Variants in EPHA6 observed in about 807,000 individuals in gnomAD.
EPHA6 encodes ephrin type-A receptor 6.
Under a neutral mutation model 112.0 loss-of-function variants are expected in EPHA6, and 50 were observed. That is an observed-to-expected ratio of 0.45 (90% CI 0.36 to 0.56). The LOEUF (loss-of-function observed/expected upper bound fraction) is 0.56. Ranked by LOEUF, EPHA6 falls within the 20% of genes least tolerant of loss-of-function variation. The pLI is 0.00. For missense variants in EPHA6, 1,280 were observed against 1,417.4 expected (o/e 0.90, Z 1.56); for synonymous variants, 529 against 490.7 (o/e 1.08, Z -1.03).
chr3:97,325,437 G>A (rs1317166580), intron 5 of EPHA6, among the ~76,000 whole-genome samples: 3 of 152,080 alleles, frequency 2.0e-5, no homozygotes, highest in African/African-American at 4.8e-5. Flanking sequence ...TATAAGGACA[G>A]CAGTGACATT....
At chr3:97,558,763 T>C (rs2093148796) in intron 11 of EPHA6, among the ~76,000 whole-genome samples, 1 of 151,920 alleles carries the variant, frequency 6.6e-6, no homozygotes, top group South Asian at 2.1e-4. Context: ...TTGATATATG[T>C]TAAATAAAAA....
At chr3:97,391,587 G>C (rs928606004) in intron 5 of EPHA6, among the ~76,000 whole-genome samples, 6 of 151,804 alleles carry the variant, frequency 4.0e-5, no homozygotes, top group Non-Finnish European at 7.4e-5. Flanking sequence ...GAAAAGTGCG[G>C]TACAATATAT....
chr3:97,592,805 C>G, intron 12 of EPHA6, 68 bp downstream of exon 12: 1 of 1,431,016 alleles, frequency 7.0e-7, no homozygotes, highest in South Asian at 1.6e-5. Context: ...AGTTGATAGG[C>G]CCCAAATACA....
At chr3:96,830,218 T>C (rs1297365617) in intron 1 of EPHA6, among the ~76,000 whole-genome samples, 1 of 152,112 alleles carries the variant, frequency 6.6e-6, no homozygotes, top group African/African-American at 2.4e-5. Flanking sequence ...CTAATTTAGG[T>C]TCAAAACAAA....
At chr3:97,515,183 A>C (rs1046024492) in intron 10 of EPHA6, among the ~76,000 whole-genome samples, 1 of 152,230 alleles carries the variant, frequency 6.6e-6, no homozygotes, top group Non-Finnish European at 1.5e-5. Context: ...ACTACTATCC[A>C]ATTCTCCAAA....
At chr3:97,092,602 G>A (rs1046740705) in intron 3 of EPHA6, among the ~76,000 whole-genome samples, 15 of 151,980 alleles carry the variant, frequency 9.9e-5, no homozygotes, top group Admixed American at 8.5e-4. Context: ...ATAATTTGAT[G>A]AGTTACTAGC....
intron 3 of EPHA6, among the ~76,000 whole-genome samples, chr3:97,139,260 C>T (rs999494674): frequency 6.6e-6 from 1 of 152,174 alleles, no homozygotes; most frequent in Non-Finnish European, 1.5e-5. Flanking sequence ...TTCACTGCCA[C>T]CAACACAGCT....
intron 5 of EPHA6, among the ~76,000 whole-genome samples, chr3:97,370,813 T>C (rs781186737): frequency 6.6e-5 from 10 of 152,264 alleles, no homozygotes; most frequent in South Asian, 2.1e-4. Context: ...CTGCAATTAT[T>C]ATAATCACCA....
chr3:96,894,063 A>G (rs1242127190), intron 2 of EPHA6, among the ~76,000 whole-genome samples: 1 of 152,184 alleles, frequency 6.6e-6, no homozygotes, highest in African/African-American at 2.4e-5. Context: ...GGTCAAGTCA[A>G]TGCTAAGTTT....
intron 12 of EPHA6, among the ~76,000 whole-genome samples, chr3:97,597,312 T>A (rs936563991): frequency 2.3e-4 from 35 of 152,158 alleles, no homozygotes; most frequent in African/African-American, 8.0e-4. Flanking sequence ...TGACTTGTGT[T>A]AGGTTCAAAG....
At chr3:97,484,165 T>G in intron 10 of EPHA6, 106 bp downstream of exon 10, 1 of 1,061,304 alleles carries the variant, frequency 9.4e-7, no homozygotes. Flanking sequence ...ATTGAAAAGT[T>G]TTAACAAGTG....
chr3:97,256,387 C>T (rs371291369), intron 5 of EPHA6, among the ~76,000 whole-genome samples: 8 of 151,840 alleles, frequency 5.3e-5, no homozygotes, highest in Non-Finnish European at 8.8e-5. Flanking sequence ...CTTTATTTAA[C>T]GTAAATTTGG....
chr3:97,225,549 CTATT>C (rs1018691329), intron 3 of EPHA6, among the ~76,000 whole-genome samples: 7 of 151,848 alleles, frequency 4.6e-5, no homozygotes, highest in Admixed American at 3.9e-4. Context: ...TGACTATATA[CTATT>C]TATTTATTAA....
At chr3:97,504,808 A>G (rs1457677935) in intron 10 of EPHA6, among the ~76,000 whole-genome samples, 2 of 152,088 alleles carry the variant, frequency 1.3e-5, no homozygotes, top group African/African-American at 4.8e-5. Context: ...ACCCTATAGT[A>G]TTTTTACGTA....
At chr3:97,036,935 A>G (rs1479031900) in intron 3 of EPHA6, among the ~76,000 whole-genome samples, 3 of 151,962 alleles carry the variant, frequency 2.0e-5, no homozygotes, top group South Asian at 2.1e-4. Flanking sequence ...TAGGTCAGTT[A>G]TGTGACTCGC....
intron 7 of EPHA6, among the ~76,000 whole-genome samples, chr3:97,458,940 C>T (rs2090790737): frequency 6.6e-6 from 1 of 152,184 alleles, no homozygotes; most frequent in East Asian, 1.9e-4. Context: ...GTGAGAAGTT[C>T]AGAATATTAA....
rs149855661 is a variant in EPHA6, at chr3:96,835,004, C to T, written c.385+19996C>T. 2.6e-5 allele frequency among the ~76,000 whole-genome samples: 4 copies of T among 152,154 alleles called. No individual in the cohort carries two copies. The East Asian group carries it at 7.7e-4, about 29-fold the overall frequency. On this transcript the variant is annotated intron_variant, in intron 1 of 17. Coordinates refer to ENST00000389672, the MANE Select transcript of EPHA6 (RefSeq NM_001080448.3). ...CAATTTAGTCTTTATTTCATTCAGT[C>T]ATCACATCTGAACTAAGAAATAGTT...
chr3:97,418,433 A>G (rs1427016210), intron 6 of EPHA6, among the ~76,000 whole-genome samples: 2 of 152,130 alleles, frequency 1.3e-5, no homozygotes, highest in Non-Finnish European at 2.9e-5. Flanking sequence ...TAAAGGGGAT[A>G]GAGAAAGGGG....
At chr3:97,017,213 A>T (rs1199803952) in intron 3 of EPHA6, among the ~76,000 whole-genome samples, 2 of 152,278 alleles carry the variant, frequency 1.3e-5, no homozygotes, top group African/African-American at 4.8e-5. Flanking sequence ...AGAGGGTAGG[A>T]TATAGTCCTG....
Sources: allele counts gnomAD v4.1 joint callset (sites outside exome capture counted in the v4.1 genomes callset), GRCh38; gene constraint gnomAD v4.1.1; transcripts MANE v1.5; gene names NCBI Gene and HGNC (gene_info 2026-07-23, HGNC 2026-07-21).